Variants in PIKFYVE observed in about 807,000 individuals in gnomAD.
PIKFYVE encodes the protein 1-phosphatidylinositol 3-phosphate 5-kinase.
PIKFYVE carries 122 observed loss-of-function variants against 257.9 expected under a neutral mutation model. That is an observed-to-expected ratio of 0.47 (90% confidence interval 0.41 to 0.55). The LOEUF is 0.55. Ranked by LOEUF, PIKFYVE falls within the 20% of genes least tolerant of loss-of-function variation. PIKFYVE has a pLI of 0.00. For synonymous variants in PIKFYVE, 892 were observed against 868.9 expected (o/e 1.03, Z -0.47); for missense variants, 2,160 against 2,536.6 (o/e 0.85, Z 3.19).
At chr2:208,298,620 A>G in intron 7 of PIKFYVE, 21 bp from the exon 8 acceptor site, 1 of 1,613,514 alleles carries the variant, frequency 6.2e-7, no homozygotes, top group African/African-American at 1.3e-5. Flanking sequence ...CTGTGATTTC[A>G]CTTCTTGTTT....
At chr2:208,354,235 T>A in intron 40 of PIKFYVE, 76 bp downstream of exon 40, 1 of 1,488,670 alleles carries the variant, frequency 6.7e-7, no homozygotes, top group Non-Finnish European at 9.2e-7. Flanking sequence ...TTGAACCTGG[T>A]CTAATAATAG....
rs1434312285 is a variant in PIKFYVE, at chr2:208,342,566, A to G, written c.4944A>G (p.Lys1648=). The G allele has an allele frequency of 6.2e-7, 1 of 1,613,318 alleles. No homozygotes were observed. The highest frequency in any genetic ancestry group is 8.5e-7 in the Non-Finnish European group (1 of 1,179,292). ...NPIPFPFDPD[K]HYLMYEHERV... is the part of the protein sequence containing the mutation. Reference sequence around the variant, plus strand: ...AAAATTTGCATAGTGATCCAGATAAACACTACTTAATGTATGAACATGAAC... The same window carrying G: ...AAAATTTGCATAGTGATCCAGATAAGCACTACTTAATGTATGAACATGAAC... The change falls in exon 32 of 42, where the codon AAA becomes AAG. Residue 1648 remains lysine, a synonymous_variant. Coordinates refer to ENST00000264380, the MANE Select transcript of PIKFYVE (RefSeq NM_015040.4).
In PIKFYVE at chr2:208,357,736, C is replaced by CA. The variant is rs1311585960; in HGVS notation, c.*2432dup. 5 of 152,128 alleles carry CA rather than the reference C, an allele frequency of 3.3e-5. No individual in the cohort carries two copies. Among genetic ancestry groups the CA allele is most frequent in the African/African-American group, 1.2e-4 (5 of 41,412 alleles). 9.4% of individuals were successfully genotyped at this position (152,128 alleles called of 1,614,324 possible). A position where few individuals can be genotyped will look rare whatever the true frequency, so the allele number is the denominator to read the frequency against. On this transcript the variant is annotated 3_prime_UTR_variant, in exon 42 of 42. Transcript: ENST00000264380. ...GATATATTTCAAATATTGTACTACT[C>CA]AGTGTTAAGTATTGAATGACTGTTT...
chr2:208,325,277 C>T lies in PIKFYVE; in HGVS notation c.2466C>T (p.Thr822=), dbSNP rs780528852. The T allele has an allele frequency of 6.2e-7, 1 of 1,613,608 alleles. No homozygotes were observed. Among genetic ancestry groups the T allele is most frequent in the East Asian group, 2.2e-5 (1 of 44,844 alleles). The change falls in exon 20 of 42, where the codon ACC becomes ACT. Residue 822 remains threonine, a synonymous_variant. Transcript: ENST00000264380. The stretch of plus-strand genomic sequence containing the variant: ...GTTTGTTTTTGTTTGTAGAACAAAC[C>T]AAGACACTGATGTTTTTTGAAGGTT... ...MQIFQLPNEQ[T]KTLMFFEGCP...
In PIKFYVE at chr2:208,339,524, CCCTGAG is replaced by C. The variant is rs1190843517; in HGVS notation, c.4781_4786del (p.Pro1594_Glu1595del). On this transcript the variant is annotated inframe_deletion, in exon 30 of 42. Coordinates refer to ENST00000264380, the MANE Select transcript of PIKFYVE (RefSeq NM_015040.4). ...TGTCTGAACAGTCAGTGGGAGGGCCCCCTGAGCTAGATACAGCCAGCAGTTCCGAAG... is the reference window on the plus strand; with the variant it reads ...TGTCTGAACAGTCAGTGGGAGGGCCCCTAGATACAGCCAGCAGTTCCGAAG... 5.0e-6 allele frequency: 8 copies of C among 1,613,958 alleles called. No homozygotes were observed. Among genetic ancestry groups the C allele is most frequent in the Non-Finnish European group, 6.8e-6 (8 of 1,180,022 alleles).
At chr2:208,328,758 T>C (rs1024089011) in intron 21 of PIKFYVE, among the ~76,000 whole-genome samples, 2 of 152,340 alleles carry the variant, frequency 1.3e-5, no homozygotes, top group South Asian at 2.1e-4. Context: ...TTTGTATACA[T>C]TGAACCACCA....
Position 208,276,775 on chromosome 2 carries a change from G to T in PIKFYVE, c.386G>T (p.Arg129Leu). 1 of 1,613,586 alleles carries T rather than the reference G, an allele frequency of 6.2e-7. No individual in the cohort carries two copies. Among genetic ancestry groups the T allele is most frequent in the Non-Finnish European group, 8.5e-7 (1 of 1,179,680 alleles). The change falls in exon 4 of 42, where the codon CGA (arginine) becomes CTA (leucine). Residue 129 changes from arginine (R) to leucine (L), a missense_variant. Arg to Leu is a moderately radical substitution (Grantham distance 102). Coordinates refer to ENST00000264380, the MANE Select transcript of PIKFYVE (RefSeq NM_015040.4). ...GHDPRTAVQL[R>L]SLSTVLKRLK... Reference sequence around the variant, plus strand: ...GACCCTCGTACAGCTGTTCAGCTTCGAAGCCTCAGCACAGTATTAAAACGC... The same window carrying T: ...GACCCTCGTACAGCTGTTCAGCTTCTAAGCCTCAGCACAGTATTAAAACGC...
chr2:208,298,567 T>G (rs943033971), intron 7 of PIKFYVE, 74 bp from the exon 8 acceptor site: 3 of 1,540,496 alleles, frequency 1.9e-6, no homozygotes, highest in African/African-American at 2.7e-5. Context: ...TATTTAAAAA[T>G]GAATTTTCTC....
chr2:208,278,779 G>A (rs1422222008), intron 5 of PIKFYVE, among the ~76,000 whole-genome samples: 1 of 152,124 alleles, frequency 6.6e-6, no homozygotes, highest in African/African-American at 2.4e-5. Flanking sequence ...TGGTGTATAT[G>A]TACCACATTT....
At chr2:208,335,768 T>A in intron 25 of PIKFYVE, 25 bp from the exon 26 acceptor site, 1 of 1,529,016 alleles carries the variant, frequency 6.5e-7, no homozygotes, top group Non-Finnish European at 9.1e-7. Flanking sequence ...CTTTCTAAAG[T>A]GTTTAATGCT....
intron 6 of PIKFYVE, among the ~76,000 whole-genome samples, chr2:208,287,275 T>C (rs1305921188): frequency 6.6e-6 from 1 of 150,874 alleles, no homozygotes; most frequent in African/African-American, 2.4e-5. Flanking sequence ...TTTTTCTTTT[T>C]TTTTTTTTTT....
chr2:208,300,903 C>T (rs1370782620), intron 8 of PIKFYVE, 34 bp from the exon 9 acceptor site: 5 of 1,612,896 alleles, frequency 3.1e-6, no homozygotes, highest in Non-Finnish European at 4.2e-6. Context: ...GCATTTTTCT[C>T]AAGGGTAACT....
intron 13 of PIKFYVE, among the ~76,000 whole-genome samples, 180 bp downstream of exon 13, chr2:208,312,475 G>A (rs1037686031): frequency 1.1e-4 from 16 of 152,292 alleles, no homozygotes; most frequent in African/African-American, 3.8e-4. Context: ...AACCAAGAAT[G>A]TAAACTTGGA....
chr2:208,268,084 C>T (rs1169102233), intron 1 of PIKFYVE, among the ~76,000 whole-genome samples: 1 of 152,060 alleles, frequency 6.6e-6, no homozygotes, highest in African/African-American at 2.4e-5. Flanking sequence ...GGAAAGAGTC[C>T]TAATTTATAT....
chr2:208,327,939 TAAGAA>T (rs1334489138), intron 20 of PIKFYVE, among the ~76,000 whole-genome samples: 1 of 152,220 alleles, frequency 6.6e-6, no homozygotes, highest in Non-Finnish European at 1.5e-5. Flanking sequence ...AAGAGTAAGT[TAAGAA>T]AACAAGCTAT....
intron 30 of PIKFYVE, 96 bp downstream of exon 30, chr2:208,339,651 G>A: frequency 6.8e-7 from 1 of 1,465,968 alleles, no homozygotes; most frequent in Non-Finnish European, 9.4e-7. Context: ...TCTAAGGACA[G>A]ATATTTGCTT....
intron 21 of PIKFYVE, 54 bp downstream of exon 21, chr2:208,328,334 T>G: frequency 6.3e-7 from 1 of 1,594,264 alleles, no homozygotes. Context: ...TTCCAGCAAT[T>G]AAAAAAAAAC....
intron 1 of PIKFYVE, among the ~76,000 whole-genome samples, chr2:208,267,927 A>G (rs1458800783): frequency 6.6e-6 from 1 of 152,158 alleles, no homozygotes; most frequent in Non-Finnish European, 1.5e-5. Flanking sequence ...CACAGGTGTG[A>G]GCAGCCACGT....
chr2:208,315,215 A>G lies in PIKFYVE; in HGVS notation c.1849A>G (p.Met617Val), dbSNP rs16840913. ...RLLSANHNHM[M>V]ALLQQLLHSD... is the part of the protein sequence containing the mutation. ...TAGTTCAGCTAATCATAACCACATG[A>G]TGGCACTACTCCAGCAGTTGCTCCA... The change falls in exon 15 of 42, where the codon ATG (methionine) becomes GTG (valine). Residue 617 changes from methionine (M) to valine (V), a missense_variant. By Grantham distance (21) the Met-to-Val change is conservative (BLOSUM62 1). Coordinates refer to ENST00000264380, the MANE Select transcript of PIKFYVE (RefSeq NM_015040.4). 44,684 of 1,613,834 alleles carry G rather than the reference A, an allele frequency of 0.028. 731 individuals carry two copies. Among genetic ancestry groups the G allele is most frequent in the African/African-American group, 0.055 (4,142 of 75,020 alleles).
Sources: gnomAD v4.1 joint callset for allele counts (sites outside exome capture counted in the v4.1 genomes callset) on GRCh38, gnomAD v4.1.1 for gene constraint, MANE v1.5 for transcripts, NCBI Gene and HGNC (gene_info 2026-07-23, HGNC 2026-07-21) for gene names.